GLIS3: variants seen among roughly 807,000 people sequenced by gnomAD.
The protein encoded by GLIS3 is GLIS family zinc finger 3.
A neutral mutation model predicts 78.6 loss-of-function variants in GLIS3; 53 were observed. The observed-to-expected ratio is 0.67, with a 90% confidence interval of 0.54 to 0.85. The LOEUF (loss-of-function observed/expected upper bound fraction) is 0.85, where lower values mean the gene tolerates loss of function less well. Ranked by LOEUF, GLIS3 falls within the 40% of genes least tolerant of loss-of-function variation. The pLI is 0.00. For missense variants in GLIS3, 1,703 were observed against 1,231.1 expected (o/e 1.38, Z -5.74); for synonymous variants, 684 against 509.9 (o/e 1.34, Z -4.60).
intron 1 of GLIS3, among the ~76,000 whole-genome samples, chr9:4,290,163 A>G (rs765879522): frequency 5.3e-5 from 8 of 152,184 alleles, no homozygotes; most frequent in African/African-American, 1.7e-4. Context: ...ATCTAGAGTC[A>G]TAACTCATCT....
intron 4 of GLIS3, among the ~76,000 whole-genome samples, chr9:3,941,331 T>G (rs984606573): frequency 5.3e-5 from 8 of 152,166 alleles, no homozygotes; most frequent in Non-Finnish European, 1.2e-4. Context: ...TACTGGAGAC[T>G]CTTTAAATTC....
At chr9:3,828,458 G>A (rs550506187) in intron 10 of GLIS3, 50 bp from the exon 11 acceptor site, 275 of 1,607,240 alleles carry the variant, frequency 1.7e-4, no homozygotes, top group Middle Eastern at 2.2e-4. Flanking sequence ...CCCATGCCAC[G>A]CCCACTGGAA....
the GLIS3 span, among the ~76,000 whole-genome samples, chr9:4,454,772 A>G: frequency 5.3e-5 from 8 of 152,114 alleles, no homozygotes; most frequent in Non-Finnish European, 1.0e-4. Context: ...ATAATTTCAC[A>G]ATGAGGGGAG....
At position 4,177,422 on chromosome 9, in the gene GLIS3, G is replaced by A. The variant is rs117961508; in HGVS notation, c.389-51481C>T. 3.1e-3 allele frequency among the ~76,000 whole-genome samples: 471 copies of A among 152,232 alleles called. 7 individuals carry two copies. Among genetic ancestry groups the A allele is most frequent in the Non-Finnish European group, 3.5e-3 (237 of 68,016 alleles). Reference sequence around the variant, plus strand: ...CACTTTTAGATCAGCCCCAAATTTTGGTTGACATACATGGTCAATGGAAAT... The same window carrying A: ...CACTTTTAGATCAGCCCCAAATTTTAGTTGACATACATGGTCAATGGAAAT... On this transcript the variant is annotated intron_variant, in intron 2 of 10. Transcript: ENST00000381971.
intron 6 of GLIS3, among the ~76,000 whole-genome samples, chr9:3,918,427 G>A (rs533121472): frequency 6.6e-5 from 10 of 152,148 alleles, no homozygotes; most frequent in Non-Finnish European, 1.5e-4. Context: ...GCATGCTTAT[G>A]TCTATTATAA....
the GLIS3 span, among the ~76,000 whole-genome samples, chr9:4,356,930 AT>A: frequency 6.6e-6 from 1 of 152,260 alleles, no homozygotes; most frequent in Non-Finnish European, 1.5e-5. Context: ...TTTTCAAAAT[AT>A]TTTAATAAGT....
chr9:4,078,258 C>T (rs1215414885), intron 4 of GLIS3, among the ~76,000 whole-genome samples: 1 of 152,108 alleles, frequency 6.6e-6, no homozygotes, highest in Non-Finnish European at 1.5e-5. Flanking sequence ...TGTATCAAAG[C>T]AGTGGTGCTT....
chr9:3,969,741 A>C lies in GLIS3; in HGVS notation c.1711-32552T>G, dbSNP rs1225028649. Among the ~76,000 whole-genome samples, 5 of 152,172 alleles carry C rather than the reference A, an allele frequency of 3.3e-5. No individual in the cohort carries two copies. In the East Asian group the frequency reaches 9.6e-4, roughly 29 times the overall value. On this transcript the variant is annotated intron_variant, in intron 4 of 10. Transcript: ENST00000381971. ...AAATAACTTGGGTCCCTTGTTTCTGAGTTCCATGACCAAGCTTGTCAGAAG... is the reference window on the plus strand; with the variant it reads ...AAATAACTTGGGTCCCTTGTTTCTGCGTTCCATGACCAAGCTTGTCAGAAG...
At chr9:4,451,360 A>G in the GLIS3 span, among the ~76,000 whole-genome samples, 1 of 152,314 alleles carries the variant, frequency 6.6e-6, no homozygotes, top group East Asian at 1.9e-4. Flanking sequence ...CAGTCCTTAG[A>G]GACCTACAAA....
At chr9:4,450,782 A>G in the GLIS3 span, among the ~76,000 whole-genome samples, 24 of 152,360 alleles carry the variant, frequency 1.6e-4, no homozygotes, top group African/African-American at 5.8e-4. Context: ...AAAATCCTTT[A>G]CAGACAAGCA....
intron 2 of GLIS3, among the ~76,000 whole-genome samples, chr9:4,250,150 G>C (rs958499352): frequency 6.6e-6 from 1 of 152,170 alleles, no homozygotes; most frequent in African/African-American, 2.4e-5. Flanking sequence ...AGTTAGGGAG[G>C]ATTCCCTCTT....
At chr9:3,924,458 A>G (rs1370609906) in intron 6 of GLIS3, among the ~76,000 whole-genome samples, 1 of 152,244 alleles carries the variant, frequency 6.6e-6, no homozygotes, top group Non-Finnish European at 1.5e-5. Flanking sequence ...AAAGAAGCCC[A>G]TACCTTCTGA....
chr9:4,458,921 G>A, the GLIS3 span, among the ~76,000 whole-genome samples: 1 of 152,196 alleles, frequency 6.6e-6, no homozygotes. Flanking sequence ...CTGTGCTAGA[G>A]CAGAAGTGGG....
chr9:4,261,618 C>A (rs1250542513), intron 2 of GLIS3, among the ~76,000 whole-genome samples: 1 of 152,146 alleles, frequency 6.6e-6, no homozygotes, highest in Non-Finnish European at 1.5e-5. Flanking sequence ...CTCTACTCAG[C>A]AAAGAAAGGC....
chr9:4,081,281 G>A (rs988048379), intron 4 of GLIS3: 1 of 152,248 alleles, frequency 6.6e-6, no homozygotes, highest in Admixed American at 6.5e-5. Flanking sequence ...GGCCTCTGCA[G>A]TCCTTTGTCC....
At chr9:4,469,655 T>C in the GLIS3 span, among the ~76,000 whole-genome samples, 54 of 152,310 alleles carry the variant, frequency 3.5e-4, no homozygotes, top group African/African-American at 9.9e-4. Flanking sequence ...GGGAAATTTA[T>C]AGCACTAAAT....
chr9:4,029,754 G>A (rs1435441253), intron 4 of GLIS3, among the ~76,000 whole-genome samples: 1 of 152,134 alleles, frequency 6.6e-6, no homozygotes, highest in African/African-American at 2.4e-5. Context: ...ATGGTCTCCA[G>A]TTCCATCTAT....
At chr9:3,927,035 G>A (rs1204446428) in intron 6 of GLIS3, among the ~76,000 whole-genome samples, 10 of 152,142 alleles carry the variant, frequency 6.6e-5, no homozygotes, top group African/African-American at 2.4e-4. Flanking sequence ...GTTAACATCC[G>A]TATCAGTTCC....
intron 4 of GLIS3, among the ~76,000 whole-genome samples, chr9:4,072,474 C>T (rs934991332): frequency 6.6e-5 from 10 of 152,312 alleles, no homozygotes; most frequent in African/African-American, 2.2e-4. Context: ...CTATGCATAA[C>T]ACTTGGACAG....
Sources: gnomAD v4.1 joint callset for allele counts (sites outside exome capture counted in the v4.1 genomes callset) on GRCh38, gnomAD v4.1.1 for gene constraint, MANE v1.5 for transcripts, NCBI Gene and HGNC (gene_info 2026-07-23, HGNC 2026-07-21) for gene names.